Variants in FRMD4A observed in about 807,000 individuals in gnomAD.
FRMD4A encodes FERM domain-containing protein 4A.
In FRMD4A, 29 loss-of-function variants were observed where a neutral mutation model predicts 129.1. That is an observed-to-expected ratio of 0.22 (90% CI 0.17 to 0.31). FRMD4A has a LOEUF of 0.31. Ranked by LOEUF, FRMD4A falls within the 10% of genes least tolerant of loss-of-function variation. The pLI, the probability that FRMD4A is intolerant of heterozygous loss-of-function variation, is 1.00. For synonymous variants in FRMD4A, 634 were observed against 571.6 expected (o/e 1.11, Z -1.56); for missense variants, 1,272 against 1,375.8 (o/e 0.92, Z 1.19).
At chr10:13,923,285 A>G (rs959095996) in intron 2 of FRMD4A, among the ~76,000 whole-genome samples, 1 of 152,190 alleles carries the variant, frequency 6.6e-6, no homozygotes, top group Non-Finnish European at 1.5e-5. Context: ...ATGTAAATAA[A>G]CAGCTTTCTT....
At chr10:14,319,957 G>T (rs919638984) in intron 2 of FRMD4A, among the ~76,000 whole-genome samples, 1 of 152,052 alleles carries the variant, frequency 6.6e-6, no homozygotes, top group African/African-American at 2.4e-5. Flanking sequence ...TCACAGAGTT[G>T]TCCCAGCTGG....
At chr10:13,885,839 G>T (rs1252914455) in intron 2 of FRMD4A, among the ~76,000 whole-genome samples, 1 of 152,180 alleles carries the variant, frequency 6.6e-6, no homozygotes, top group Non-Finnish European at 1.5e-5. Context: ...GGATTGAGAA[G>T]GCCGAACACT....
chr10:13,919,552 T>A (rs1463609160), intron 2 of FRMD4A, among the ~76,000 whole-genome samples: 1 of 152,122 alleles, frequency 6.6e-6, no homozygotes, highest in East Asian at 1.9e-4. Flanking sequence ...ATTTTTTAAA[T>A]TAATTTGTAT....
At chr10:14,205,407 G>C (rs942856681) in intron 2 of FRMD4A, among the ~76,000 whole-genome samples, 88 of 152,222 alleles carry the variant, frequency 5.8e-4, no homozygotes, top group African/African-American at 2.0e-3. Context: ...ATTCCTAGGA[G>C]TTTTCTGATG....
chr10:13,944,128 G>C (rs2095314483), intron 2 of FRMD4A, among the ~76,000 whole-genome samples: 1 of 152,120 alleles, frequency 6.6e-6, no homozygotes, highest in East Asian at 1.9e-4. Flanking sequence ...ATGTAGCAGG[G>C]ATCCCCAACC....
At chr10:13,751,144 C>G (rs1310582113) in intron 8 of FRMD4A, among the ~76,000 whole-genome samples, 1 of 152,166 alleles carries the variant, frequency 6.6e-6, no homozygotes, top group Non-Finnish European at 1.5e-5. Context: ...CCCATCACAT[C>G]TAAAGTATAT....
At position 14,047,067 on chromosome 10, in the gene FRMD4A, G is replaced by T. The variant is rs150554757; in HGVS notation, c.46-188155C>A. Among the ~76,000 whole-genome samples, 320 of 152,254 alleles carry T rather than the reference G, an allele frequency of 2.1e-3. 2 individuals carry two copies. The highest frequency in any genetic ancestry group is 7.3e-3 in the African/African-American group (304 of 41,548). ...CCAATATAACTCTCAGAATGTGAAA[G>T]AATGACTCTCTGTGAGGCATGGGGA... On this transcript the variant is annotated intron_variant, in intron 2 of 24. Coordinates refer to ENST00000357447, the MANE Select transcript of FRMD4A (RefSeq NM_018027.5).
chr10:14,292,244 A>G (rs1193054698), intron 2 of FRMD4A, among the ~76,000 whole-genome samples: 1 of 152,242 alleles, frequency 6.6e-6, no homozygotes, highest in Non-Finnish European at 1.5e-5. Context: ...GATCTCATGC[A>G]TTTTATGAAG....
At chr10:13,899,676 A>C (rs2094797500) in intron 2 of FRMD4A, among the ~76,000 whole-genome samples, 1 of 152,224 alleles carries the variant, frequency 6.6e-6, no homozygotes, top group Non-Finnish European at 1.5e-5. Context: ...GACAAAAAAG[A>C]AAATGAAGCC....
intron 2 of FRMD4A, among the ~76,000 whole-genome samples, chr10:13,859,148 T>C (rs1417411523): frequency 6.6e-6 from 1 of 152,100 alleles, no homozygotes; most frequent in African/African-American, 2.4e-5. Context: ...GAGGCCAAGG[T>C]GGGCGGATCA....
intron 2 of FRMD4A, among the ~76,000 whole-genome samples, chr10:14,155,401 G>C (rs1840546352): frequency 1.3e-5 from 2 of 152,184 alleles, no homozygotes; most frequent in African/African-American, 4.8e-5. Context: ...TCCCAGCCCA[G>C]CACTGGGGGC....
At chr10:13,900,789 C>T (rs1344902497) in intron 2 of FRMD4A, among the ~76,000 whole-genome samples, 1 of 152,038 alleles carries the variant, frequency 6.6e-6, no homozygotes, top group African/African-American at 2.4e-5. Context: ...CCCAGCTACT[C>T]AGGAGGCTGA....
intron 3 of FRMD4A, among the ~76,000 whole-genome samples, chr10:13,845,026 T>C (rs560747671): frequency 6.6e-6 from 1 of 152,298 alleles, no homozygotes; most frequent in South Asian, 2.1e-4. Flanking sequence ...ACCAATATGA[T>C]CCATTCGGAT....
intron 3 of FRMD4A, among the ~76,000 whole-genome samples, chr10:13,853,954 C>T (rs926232024): frequency 1.3e-5 from 2 of 151,768 alleles, no homozygotes; most frequent in African/African-American, 2.4e-5. Flanking sequence ...AAGGTCAGGT[C>T]GGTTTTTCTG....
intron 2 of FRMD4A, among the ~76,000 whole-genome samples, chr10:14,004,158 C>T (rs1333913353): frequency 2.0e-5 from 3 of 152,206 alleles, no homozygotes; most frequent in Non-Finnish European, 4.4e-5. Context: ...CAATATACTG[C>T]TTGTCTTGGC....
intron 2 of FRMD4A, among the ~76,000 whole-genome samples, chr10:14,001,818 T>G (rs946759262): frequency 6.6e-6 from 1 of 152,208 alleles, no homozygotes; most frequent in African/African-American, 2.4e-5. Context: ...TATGTGTGAA[T>G]ACACTGATCT....
chr10:14,091,043 A>G (rs2131752003), intron 2 of FRMD4A, among the ~76,000 whole-genome samples: 1 of 152,334 alleles, frequency 6.6e-6, no homozygotes, highest in Admixed American at 6.5e-5. Context: ...AGCATAGACC[A>G]GCAAAACATT....
chr10:13,972,066 T>C (rs1295577877), intron 2 of FRMD4A: 2 of 1,142,078 alleles, frequency 1.8e-6, no homozygotes, highest in Non-Finnish European at 2.2e-6. Flanking sequence ...CTCTGGGGAC[T>C]CACCAGGGAC....
At chr10:14,137,030 G>C (rs147096303) in intron 2 of FRMD4A, among the ~76,000 whole-genome samples, 1 of 152,218 alleles carries the variant, frequency 6.6e-6, no homozygotes, top group African/African-American at 2.4e-5. Context: ...AATTATTGTC[G>C]TTTGCTGATT....
Sources: allele counts gnomAD v4.1 joint callset (sites outside exome capture counted in the v4.1 genomes callset), GRCh38; gene constraint gnomAD v4.1.1; transcripts MANE v1.5; gene names NCBI Gene and HGNC (gene_info 2026-07-23, HGNC 2026-07-21).